The following PARD3B variants were observed in gnomAD, a reference collection of about 807,000 sequenced individuals.
The protein encoded by PARD3B is partitioning defective 3 homolog B.
PARD3B carries 103 observed loss-of-function variants against 130.2 expected under a neutral mutation model. That is an observed-to-expected ratio of 0.79 (90% CI 0.67 to 0.93). The LOEUF (loss-of-function observed/expected upper bound fraction) is 0.93. Among genes scored for constraint, PARD3B ranks in the 40% least tolerant of loss-of-function variants. The pLI, the probability that PARD3B is intolerant of heterozygous loss-of-function variation, is 0.00. For synonymous variants in PARD3B, 583 were observed against 553.2 expected, an observed-to-expected ratio of 1.05 and a Z score of -0.76; for missense variants, 1,609 against 1,499.2, an observed-to-expected ratio of 1.07 and a Z score of -1.21.
chr2:204,801,809 C>A (rs1575018441), intron 2 of PARD3B, among the ~76,000 whole-genome samples: 1 of 152,074 alleles, frequency 6.6e-6, no homozygotes, highest in African/African-American at 2.4e-5. Flanking sequence ...TGCTTCCAGC[C>A]TTTTCCCATT....
intron 20 of PARD3B, among the ~76,000 whole-genome samples, chr2:205,490,747 A>G (rs1398308529): frequency 6.6e-6 from 1 of 152,060 alleles, no homozygotes; most frequent in East Asian, 1.9e-4. Context: ...AAGTGTTCCT[A>G]TTTCTCCACA....
intron 14 of PARD3B, among the ~76,000 whole-genome samples, chr2:205,186,946 A>G (rs1412183777): frequency 6.6e-6 from 1 of 152,206 alleles, no homozygotes; most frequent in Non-Finnish European, 1.5e-5. Flanking sequence ...CTTACTGTTT[A>G]TCCTGTATAT....
intron 1 of PARD3B, among the ~76,000 whole-genome samples, chr2:204,663,516 T>A (rs2035904917): frequency 6.6e-6 from 1 of 152,252 alleles, no homozygotes; most frequent in African/African-American, 2.4e-5. Context: ...TTAGTTGGCT[T>A]GGATTTTAAA....
At chr2:204,773,153 C>T (rs1181812657) in intron 2 of PARD3B, among the ~76,000 whole-genome samples, 1 of 151,672 alleles carries the variant, frequency 6.6e-6, no homozygotes, top group Middle Eastern at 3.2e-3. Context: ...TTAAAAAGGG[C>T]TTATTGAGTA....
At chr2:204,824,923 T>C (rs991927088) in intron 2 of PARD3B, among the ~76,000 whole-genome samples, 19 of 152,252 alleles carry the variant, frequency 1.2e-4, no homozygotes, top group Admixed American at 7.9e-4. Flanking sequence ...TCACATGCTC[T>C]GGGCGGCGTA....
intron 1 of PARD3B, among the ~76,000 whole-genome samples, chr2:204,604,210 A>G (rs1444647454): frequency 6.6e-6 from 1 of 152,162 alleles, no homozygotes; most frequent in Non-Finnish European, 1.5e-5. Context: ...TGCCTTTGAC[A>G]TCCTGAGTGC....
chr2:205,417,172 A>G (rs979958558), intron 19 of PARD3B, among the ~76,000 whole-genome samples: 1 of 148,356 alleles, frequency 6.7e-6, no homozygotes, highest in African/African-American at 2.5e-5. Context: ...AAGTGAGAAC[A>G]TGTAGTGTTT....
At chr2:205,344,876 A>G (rs1444154814) in intron 18 of PARD3B, among the ~76,000 whole-genome samples, 1 of 152,190 alleles carries the variant, frequency 6.6e-6, no homozygotes, top group Non-Finnish European at 1.5e-5. Flanking sequence ...ATATTCTAAA[A>G]GCTCACGTCT....
At position 205,589,577 on chromosome 2, in the gene PARD3B, T is replaced by C. The variant is rs75729353; in HGVS notation, c.3261-25879T>C. Among the ~76,000 whole-genome samples, 1,312 of 152,304 alleles carry C rather than the reference T, an allele frequency of 8.6e-3. 21 individuals are homozygous for C. The highest frequency in any genetic ancestry group is 0.03 in the African/African-American group (1,253 of 41,572). ...GAAGTCATTTTGGTACCTTCCTTTTTATTTACTCCCTTGGGTCTGAGCAGG... is the reference window on the plus strand; with the variant it reads ...GAAGTCATTTTGGTACCTTCCTTTTCATTTACTCCCTTGGGTCTGAGCAGG... On this transcript the variant is annotated intron_variant, in intron 22 of 22. Transcript: ENST00000406610. The surrounding 1 kb of genome is among the most constrained non-coding windows in gnomAD (Gnocchi z 4.1).
intron 1 of PARD3B, among the ~76,000 whole-genome samples, chr2:204,649,612 A>G (rs2035409364): frequency 6.6e-6 from 1 of 152,156 alleles, no homozygotes. Flanking sequence ...ATAGGGCTGC[A>G]CACCTACAAT....
chr2:205,203,299 C>T (rs1574375609), intron 15 of PARD3B, among the ~76,000 whole-genome samples: 1 of 152,012 alleles, frequency 6.6e-6, no homozygotes, highest in East Asian at 1.9e-4. Context: ...TTCTGGGCTC[C>T]TCTTAAAACT....
At chr2:204,773,772 C>T (rs780062588) in intron 2 of PARD3B, among the ~76,000 whole-genome samples, 2 of 152,038 alleles carry the variant, frequency 1.3e-5, no homozygotes, top group Admixed American at 1.3e-4. Flanking sequence ...CCTCTCTGAT[C>T]TCCTTTCACC....
chr2:204,635,239 C>G (rs1262479808), intron 1 of PARD3B, among the ~76,000 whole-genome samples: 1 of 152,088 alleles, frequency 6.6e-6, no homozygotes, highest in East Asian at 1.9e-4. Context: ...CTTTTCCTCC[C>G]CCGGACGAGG....
rs567625893 is a variant in PARD3B at position 205,578,253 on chromosome 2, C to T, written c.3260+24850C>T. Among the ~76,000 whole-genome samples the T allele has an allele frequency of 1.1e-4, 16 of 152,310 alleles. No individual in the cohort carries two copies. The South Asian group carries it at 3.1e-3, about 30-fold the overall frequency. On this transcript the variant is annotated intron_variant, in intron 22 of 22. Transcript: ENST00000406610. ...CGAGTGCATTAGATCAGGTAAGCTTCTGTGTGTCAATTCCAAATAACAATG... is the reference window on the plus strand; with the variant it reads ...CGAGTGCATTAGATCAGGTAAGCTTTTGTGTGTCAATTCCAAATAACAATG...
At chr2:205,046,861 G>C (rs943075489) in intron 3 of PARD3B, among the ~76,000 whole-genome samples, 10 of 152,192 alleles carry the variant, frequency 6.6e-5, no homozygotes. Flanking sequence ...AGTCAGAGCG[G>C]TTAGGCCGCT....
chr2:205,270,881 A>G (rs1460339888), intron 16 of PARD3B, among the ~76,000 whole-genome samples: 1 of 152,072 alleles, frequency 6.6e-6, no homozygotes, highest in Non-Finnish European at 1.5e-5. Context: ...ATTTCCACAC[A>G]TAGCTCATTG....
chr2:205,454,082 C>T (rs761995527), intron 20 of PARD3B, among the ~76,000 whole-genome samples: 41 of 152,100 alleles, frequency 2.7e-4, no homozygotes, highest in Non-Finnish European at 4.6e-4. Context: ...CTCAAGGCTG[C>T]GGGGTACAAA....
At chr2:204,999,350 T>G (rs1694635679) in intron 3 of PARD3B, among the ~76,000 whole-genome samples, 1 of 152,224 alleles carries the variant, frequency 6.6e-6, no homozygotes, top group South Asian at 2.1e-4. Context: ...GATACTCTCT[T>G]AAGAATGATT....
At chr2:205,334,830 A>T (rs1308848219) in intron 18 of PARD3B, among the ~76,000 whole-genome samples, 1 of 152,224 alleles carries the variant, frequency 6.6e-6, no homozygotes, top group African/African-American at 2.4e-5. Flanking sequence ...GTGAAGGACA[A>T]AGCATAAGTG....
Sources: gnomAD v4.1 joint callset for allele counts (sites outside exome capture counted in the v4.1 genomes callset) on GRCh38, gnomAD v4.1.1 for gene constraint, Gnocchi (gnomAD v3.1) non-coding constraint, MANE v1.5 for transcripts, NCBI Gene and HGNC (gene_info 2026-07-23, HGNC 2026-07-21) for gene names.